Variants in AIM2 observed in about 807,000 individuals in gnomAD.
The protein encoded by AIM2 is interferon-inducible protein AIM2.
A neutral mutation model predicts 27.7 loss-of-function variants in AIM2; 30 were observed. The observed-to-expected ratio is 1.08, with a 90% confidence interval of 0.81 to 1.47. The LOEUF is 1.47. Among genes scored for constraint, AIM2 ranks in the 40% most tolerant of loss-of-function variants. AIM2 has a pLI of 0.00. For missense variants in AIM2, 358 were observed against 411.3 expected (o/e 0.87, Z 1.12); for synonymous variants, 141 against 145.3 (o/e 0.97, Z 0.21).
the AIM2 span, among the ~76,000 whole-genome samples, chr1:159,057,333 T>G: frequency 6.6e-6 from 1 of 152,208 alleles, no homozygotes; most frequent in Admixed American, 6.5e-5. Flanking sequence ...AGCCGAATGC[T>G]AAACTGAAGC....
intron 1 of AIM2, among the ~76,000 whole-genome samples, chr1:159,084,547 G>A (rs974590310): frequency 1.2e-4 from 18 of 152,088 alleles, no homozygotes; most frequent in Non-Finnish European, 2.4e-4. Context: ...CAAGGCGGGG[G>A]AATCGCTTGA....
rs1052245685 is a variant in AIM2 at position 159,066,245 on chromosome 1, C to T, written c.481G>A (p.Ala161Thr). The T allele has an allele frequency of 6.2e-7, 1 of 1,614,208 alleles. No individual in the cohort carries two copies. The highest frequency in any genetic ancestry group is 1.1e-5 in the South Asian group (1 of 91,084). ...GTCTCAAACGTGAAGGGCTTCTTTG[C>T]TTTCAGTACCATAACTGGCAAACAG... is the stretch of plus-strand genomic sequence containing the variant. ...KRCLPVMVLK[A>T]KKPFTFETQE... The change falls in exon 4 of 6, where the codon GCA (alanine) becomes ACA (threonine). Residue 161 changes from alanine (A) to threonine (T), a missense_variant. Ala to Thr is a moderately conservative substitution (Grantham distance 58). Transcript: ENST00000368130.
Position 159,062,497 on chromosome 1 carries a change from G to A in AIM2, c.*195C>T. 1 of 599,100 alleles carries A rather than the reference G, an allele frequency of 1.7e-6. No homozygotes were observed. The highest frequency in any genetic ancestry group is 2.8e-5 in the East Asian group (1 of 35,760). 37.1% of individuals were successfully genotyped at this position (599,100 alleles called of 1,614,324 possible). A position where few individuals can be genotyped will look rare whatever the true frequency, so the allele number is the denominator to read the frequency against. On this transcript the variant is annotated 3_prime_UTR_variant, in exon 6 of 6. Transcript: ENST00000368130. Reference sequence around the variant, plus strand: ...GTGGGACTGTAATGAATGAGAAACAGATGTTTATTGTGATCATCTGTTGAT... The same window carrying A: ...GTGGGACTGTAATGAATGAGAAACAAATGTTTATTGTGATCATCTGTTGAT...
chr1:159,066,380 G>A (rs1056530221), intron 3 of AIM2, 51 bp from the exon 4 acceptor site: 12 of 1,537,916 alleles, frequency 7.8e-6, no homozygotes, highest in Admixed American at 6.1e-5. Flanking sequence ...AGGTACTATT[G>A]AAAGGACCTT....
chr1:159,080,017 G>A (rs1176455190), upstream of AIM2, among the ~76,000 whole-genome samples: 2 of 152,006 alleles, frequency 1.3e-5, no homozygotes, highest in African/African-American at 2.4e-5. Flanking sequence ...TGGCTTGATG[G>A]CTCATTTCTT....
At chr1:159,077,872 A>G (rs1320400560), upstream of AIM2, among the ~76,000 whole-genome samples, 3 of 152,210 alleles carry the variant, frequency 2.0e-5, no homozygotes, top group Non-Finnish European at 2.9e-5. Context: ...TGAGAATATA[A>G]AAGTTAGTAA....
intron 1 of AIM2, among the ~76,000 whole-genome samples, chr1:159,113,355 T>A (rs1158948573): frequency 6.6e-6 from 1 of 152,174 alleles, no homozygotes; most frequent in Non-Finnish European, 1.5e-5. Flanking sequence ...TCAAAAGACC[T>A]CTTCTGAATA....
intron 3 of AIM2, 116 bp from the exon 4 acceptor site, chr1:159,066,445 G>A (rs1037055225): frequency 9.4e-7 from 1 of 1,063,174 alleles, no homozygotes; most frequent in Non-Finnish European, 1.3e-6. Context: ...GTGGAATCAA[G>A]GGAAGAGATA....
chr1:159,102,310 T>C (rs573568977), intron 1 of AIM2, among the ~76,000 whole-genome samples: 2 of 152,128 alleles, frequency 1.3e-5, no homozygotes, highest in South Asian at 2.1e-4. Flanking sequence ...AGAGGATGTA[T>C]GGAAATGTCT....
chr1:159,063,850 C>G (rs1361711500), intron 4 of AIM2, among the ~76,000 whole-genome samples, 176 bp from the exon 5 acceptor site: 1 of 152,168 alleles, frequency 6.6e-6, no homozygotes, highest in Non-Finnish European at 1.5e-5. Flanking sequence ...CTCTGCCACC[C>G]CAAGATGGCA....
chr1:159,125,086 C>T (rs1435847135), intron 1 of AIM2, among the ~76,000 whole-genome samples: 2 of 152,168 alleles, frequency 1.3e-5, no homozygotes, highest in Non-Finnish European at 2.9e-5. Flanking sequence ...GGTTGTGCTG[C>T]CAAGCCTGAC....
rs141268165 is a variant in AIM2 at position 159,073,214 on chromosome 1, G to A, written c.262+24C>T. The A allele has an allele frequency of 2.3e-4, 368 of 1,612,846 alleles. No homozygotes were observed. In the African/African-American group the frequency reaches 4.3e-3, roughly 19 times the overall value. On this transcript the variant is annotated intron_variant, in intron 2 of 5. Coordinates refer to ENST00000368130, the MANE Select transcript of AIM2 (RefSeq NM_004833.3). Reference sequence around the variant, plus strand: ...CAGGCTTGGCAGAAAAAGGGACGGGGCAGGTGTGGAACTCCCACATTACCT... The same window carrying A: ...CAGGCTTGGCAGAAAAAGGGACGGGACAGGTGTGGAACTCCCACATTACCT...
intron 1 of AIM2, among the ~76,000 whole-genome samples, chr1:159,135,734 G>A (rs995398627): frequency 6.6e-6 from 1 of 152,174 alleles, no homozygotes; most frequent in Non-Finnish European, 1.5e-5. Flanking sequence ...TGTAGCAAAG[G>A]AAGACAAGTT....
chr1:159,126,385 C>T (rs561960660), intron 1 of AIM2, among the ~76,000 whole-genome samples: 6 of 152,218 alleles, frequency 3.9e-5, no homozygotes, highest in Non-Finnish European at 7.4e-5. Flanking sequence ...CGGTGGTTCA[C>T]GCCTGTAATC....
At chr1:159,138,109 A>G (rs986221242) in intron 1 of AIM2, among the ~76,000 whole-genome samples, 2 of 152,230 alleles carry the variant, frequency 1.3e-5, no homozygotes, top group African/African-American at 4.8e-5. Flanking sequence ...TATGTTATCT[A>G]TGAATTTCAT....
Position 159,062,852 on chromosome 1 carries a change from A to G in AIM2, c.1006-134T>C, listed in dbSNP as rs1655893504. On this transcript the variant is annotated intron_variant, in intron 5 of 5. Coordinates refer to ENST00000368130, the MANE Select transcript of AIM2 (RefSeq NM_004833.3). The stretch of plus-strand genomic sequence containing the variant: ...ATTATTTTGTTCCCACCCTTCTAAT[A>G]CATTGGTCTGCCTTGGATCATACTC... The G allele has an allele frequency of 4.8e-6, 4 of 830,906 alleles. No individual in the cohort carries two copies. The Admixed American group carries it at 9.3e-5, about 19-fold the overall frequency. 51.5% of individuals were successfully genotyped at this position (830,906 alleles called of 1,614,324 possible). A position where few individuals can be genotyped will look rare whatever the true frequency, so the allele number is the denominator to read the frequency against.
intron 1 of AIM2, chr1:159,132,244 T>C (rs1001709750): frequency 6.7e-6 from 1 of 149,734 alleles, no homozygotes; most frequent in African/African-American, 2.5e-5. Flanking sequence ...GGCGGGTACC[T>C]GTAATCCCAG....
chr1:159,107,912 A>G (rs999696883), intron 1 of AIM2, among the ~76,000 whole-genome samples: 1 of 152,182 alleles, frequency 6.6e-6, no homozygotes, highest in Non-Finnish European at 1.5e-5. Flanking sequence ...ATGGTAATTT[A>G]AAAATTACCA....
intron 1 of AIM2, among the ~76,000 whole-genome samples, chr1:159,105,377 G>A (rs1172160052): frequency 2.0e-5 from 3 of 152,220 alleles, no homozygotes; most frequent in Non-Finnish European, 4.4e-5. Flanking sequence ...CTGGGCCGCA[G>A]CTCCTCTTTC....
Sources: allele counts gnomAD v4.1 joint callset (sites outside exome capture counted in the v4.1 genomes callset), GRCh38; gene constraint gnomAD v4.1.1; transcripts MANE v1.5; gene names NCBI Gene and HGNC (gene_info 2026-07-23, HGNC 2026-07-21).